Variants in TYROBP observed in about 807,000 individuals in gnomAD.
TYROBP encodes the protein transmembrane immune signaling adaptor TYROBP.
Under a neutral mutation model 17.1 loss-of-function variants are expected in TYROBP, and 14 were observed. The ratio of observed to expected loss-of-function variants is 0.82; its 90% CI spans 0.54 to 1.28. The LOEUF (loss-of-function observed/expected upper bound fraction) is 1.28, where lower values mean the gene tolerates loss of function less well. Among genes scored for constraint, TYROBP ranks in the 50% most tolerant of loss-of-function variants. TYROBP has a pLI of 0.00. For synonymous variants in TYROBP, 73 were observed against 67.4 expected, an observed-to-expected ratio of 1.08 and a Z score of -0.41; for missense variants, 161 against 151.4, an observed-to-expected ratio of 1.06 and a Z score of -0.33.
At chr19:35,905,383 T>C (rs960597163) in intron 4 of TYROBP, among the ~76,000 whole-genome samples, 2 of 152,180 alleles carry the variant, frequency 1.3e-5, no homozygotes, top group Non-Finnish European at 2.9e-5. Flanking sequence ...TAAAATCATA[T>C]ATGATGACTA....
rs113207157 is a variant in TYROBP at position 35,904,429 on chromosome 19, A to G, written c.*140T>C. 1.2e-3 allele frequency: 1,057 copies of G among 902,192 alleles called. 14 individuals are homozygous for G. The African/African-American group carries it at 0.016, about 14-fold the overall frequency. The allele number at this position is 902,192 out of a possible 1,614,324, so 55.9% of individuals were successfully genotyped here. ...TTTTGTGCTTCATGTTTATTTTAGGAGAGTATTGGGGAGCGGTCTGGTCTC... is the reference window on the plus strand; with the variant it reads ...TTTTGTGCTTCATGTTTATTTTAGGGGAGTATTGGGGAGCGGTCTGGTCTC... On this transcript the variant is annotated 3_prime_UTR_variant, in exon 5 of 5. Coordinates refer to ENST00000262629, the MANE Select transcript of TYROBP (RefSeq NM_003332.4).
At chr19:35,906,446 C>T (rs1975726865) in intron 4 of TYROBP, among the ~76,000 whole-genome samples, 1 of 151,980 alleles carries the variant, frequency 6.6e-6, no homozygotes, top group Non-Finnish European at 1.5e-5. Context: ...ATTATATGCA[C>T]AATTTTGTAT....
In TYROBP at chr19:35,904,644, T is replaced by C. The variant is rs764631401; in HGVS notation, c.277-10A>G. ...TCTGACCCTGGAGCTCCTAAAGGAA[T>C]GGGGGCCATCAGTGGAAGGGACCCA... is the stretch of plus-strand genomic sequence containing the variant. On this transcript the variant is annotated splice_polypyrimidine_tract_variant and intron_variant, in intron 4 of 4. Coordinates refer to ENST00000262629, the MANE Select transcript of TYROBP (RefSeq NM_003332.4). The C allele has an allele frequency of 1.9e-6, 3 of 1,611,790 alleles. No homozygotes were observed. In the Admixed American group the frequency reaches 5.0e-5, roughly 27 times the overall value.
chr19:35,907,882 G>A, intron 1 of TYROBP, 120 bp from the exon 2 acceptor site: 1 of 1,078,580 alleles, frequency 9.3e-7, no homozygotes, highest in Admixed American at 2.0e-5. Flanking sequence ...GGGAGAGCGT[G>A]TCTGGCGGGA....
chr19:35,905,499 T>C (rs1349036401), intron 4 of TYROBP, among the ~76,000 whole-genome samples: 1 of 152,084 alleles, frequency 6.6e-6, no homozygotes, highest in Non-Finnish European at 1.5e-5. Flanking sequence ...CTAGATTCTC[T>C]TGTATACTCT....
chr19:35,907,298 A>T, intron 3 of TYROBP, 34 bp from the exon 4 acceptor site: 3 of 1,612,624 alleles, frequency 1.9e-6, no homozygotes, highest in Non-Finnish European at 2.5e-6. Context: ...GTGCAGAGAC[A>T]GGCAGAGTGG....
chr19:35,904,748 C>T, intron 4 of TYROBP, 114 bp from the exon 5 acceptor site: 2 of 933,044 alleles, frequency 2.1e-6, no homozygotes, highest in Non-Finnish European at 3.4e-6. Flanking sequence ...TGAAAGAGAT[C>T]CGGATTTTAT....
At position 35,904,543 on chromosome 19, in the gene TYROBP, A is replaced by G. The variant is rs1975670162; in HGVS notation, c.*26T>C. 1 of 1,612,070 alleles carries G rather than the reference A, an allele frequency of 6.2e-7. No individual in the cohort carries two copies. Among genetic ancestry groups the G allele is most frequent in the Non-Finnish European group, 8.5e-7 (1 of 1,178,990 alleles). ...TCAGGAATGGCTGGATCCAGGTATC[A>G]TGTTGCTGACTGTCATGATTCGGGC... On this transcript the variant is annotated 3_prime_UTR_variant, in exon 5 of 5. Coordinates refer to ENST00000262629, the MANE Select transcript of TYROBP (RefSeq NM_003332.4).
intron 4 of TYROBP, 145 bp from the exon 5 acceptor site, chr19:35,904,779 C>T (rs1975679863): frequency 1.4e-6 from 1 of 734,040 alleles, no homozygotes; most frequent in Admixed American, 2.2e-5. Flanking sequence ...TCAATGTTCC[C>T]CCTTCTCCTC....
At chr19:35,906,119 C>CTT (rs533744083) in intron 4 of TYROBP, among the ~76,000 whole-genome samples, 2 of 140,324 alleles carry the variant, frequency 1.4e-5, no homozygotes, top group Non-Finnish European at 1.6e-5. Context: ...AGACCCCTGT[C>CTT]TTTTTTTTTT....
In TYROBP at chr19:35,908,278, C is replaced by T. The variant is rs371441146; in HGVS notation, c.-50G>A. 33 of 1,546,422 alleles carry T rather than the reference C, an allele frequency of 2.1e-5. No individual in the cohort carries two copies. In the African/African-American group the frequency reaches 2.7e-4, roughly 13 times the overall value. On this transcript the variant is annotated 5_prime_UTR_variant, in exon 1 of 5. Coordinates refer to ENST00000262629, the MANE Select transcript of TYROBP (RefSeq NM_003332.4). ...CAGTGTAAGGGCCGGTGGGATGTGG[C>T]GCAGCGTCCAGGCAAGTGAAGGAGG...
chr19:35,904,605 G>A lies in TYROBP; in HGVS notation c.306C>T (p.Tyr102=). 2 of 1,613,536 alleles carry A rather than the reference G, an allele frequency of 1.2e-6. No homozygotes were observed. The highest frequency in any genetic ancestry group is 1.6e-4 in the Middle Eastern group (1 of 6,062). Residue 102 remains tyrosine (Y), a synonymous_variant, in exon 5 of 5, where the codon TAC becomes TAT. Transcript: ENST00000262629. ...QELQGQRSDV[Y]SDLNTQRPYY... is the part of the protein sequence containing the mutation. ...ACGGCCTCTGTGTGTTGAGGTCGCTGTAGACATCCGACCTCTGACCCTGGA... is the reference window on the plus strand; with the variant it reads ...ACGGCCTCTGTGTGTTGAGGTCGCTATAGACATCCGACCTCTGACCCTGGA...
At chr19:35,907,103 T>C in intron 4 of TYROBP, 115 bp downstream of exon 4, 1 of 1,026,130 alleles carries the variant, frequency 9.7e-7, no homozygotes, top group Non-Finnish European at 1.5e-6. Context: ...CCTTCAAGGT[T>C]TGGGGGTGCT....
chr19:35,907,340 G>A (rs2146988376), intron 3 of TYROBP, 76 bp from the exon 4 acceptor site: 1 of 1,605,170 alleles, frequency 6.2e-7, no homozygotes, highest in East Asian at 2.2e-5. Flanking sequence ...TTCCAAATCA[G>A]CACCTCCATT....
chr19:35,904,647 G>A lies in TYROBP; in HGVS notation c.277-13C>T. The A allele has an allele frequency of 6.2e-7, 1 of 1,611,268 alleles. No homozygotes were observed. The highest frequency in any genetic ancestry group is 8.5e-7 in the Non-Finnish European group (1 of 1,178,684). On this transcript the variant is annotated splice_polypyrimidine_tract_variant and intron_variant, in intron 4 of 4. Coordinates refer to ENST00000262629, the MANE Select transcript of TYROBP (RefSeq NM_003332.4). ...GACCCTGGAGCTCCTAAAGGAATGG[G>A]GGCCATCAGTGGAAGGGACCCACCA...
rs1396140760 is a variant in TYROBP, at chr19:35,908,115, C to CAG, written c.61+52_61+53insCT. On this transcript the variant is annotated intron_variant, in intron 1 of 4. Coordinates refer to ENST00000262629, the MANE Select transcript of TYROBP (RefSeq NM_003332.4). ...TCGTTCCACCCCACTCCCTGCCCTGCCCCAAGCTGAGCCCAGGGACCCGGG... is the reference window on the plus strand; with the variant it reads ...TCGTTCCACCCCACTCCCTGCCCTGCAGCCCAAGCTGAGCCCAGGGACCCGGG... The CAG allele has an allele frequency of 5.8e-4, 893 of 1,528,054 alleles. 1 individual carries two copies. The highest frequency in any genetic ancestry group is 7.2e-4 in the Non-Finnish European group (797 of 1,106,094). 94.7% of individuals were successfully genotyped at this position (1,528,054 alleles called of 1,614,324 possible).
intron 4 of TYROBP, among the ~76,000 whole-genome samples, chr19:35,906,052 T>C (rs1226888207): frequency 6.6e-6 from 1 of 151,468 alleles, no homozygotes; most frequent in East Asian, 1.9e-4. Context: ...TTTCGGAGGC[T>C]GAGGCGGGAG....
Position 35,904,644 on chromosome 19 carries a change from T to TGGGGGCCATCAGTGGAA in TYROBP, c.277-27_277-11dup, listed in dbSNP as rs765150640. On this transcript the variant is annotated splice_polypyrimidine_tract_variant and intron_variant, in intron 4 of 4. Transcript: ENST00000262629. ...TCTGACCCTGGAGCTCCTAAAGGAA[T>TGGGGGCCATCAGTGGAA]GGGGGCCATCAGTGGAAGGGACCCA... The TGGGGGCCATCAGTGGAA allele has an allele frequency of 6.5e-5, 104 of 1,611,672 alleles. No individual in the cohort carries two copies. Among genetic ancestry groups the TGGGGGCCATCAGTGGAA allele is most frequent in the Non-Finnish European group, 8.3e-5 (98 of 1,178,958 alleles).
intron 3 of TYROBP, 55 bp downstream of exon 3, chr19:35,907,390 GC>G (rs775339428): frequency 7.0e-7 from 1 of 1,425,256 alleles, no homozygotes; most frequent in South Asian, 1.1e-5. Context: ...AGTTTACCCA[GC>G]CCCCCACCCC....
Sources: allele counts gnomAD v4.1 joint callset (sites outside exome capture counted in the v4.1 genomes callset), GRCh38; gene constraint gnomAD v4.1.1; transcripts MANE v1.5; gene names NCBI Gene and HGNC (gene_info 2026-07-23, HGNC 2026-07-21).